Variants in PTK2 observed in about 807,000 individuals in gnomAD.
PTK2 encodes the protein focal adhesion kinase 1.
A neutral mutation model predicts 150.1 loss-of-function variants in PTK2; 45 were observed. The ratio of observed to expected loss-of-function variants is 0.30; its 90% CI spans 0.24 to 0.38. The LOEUF (loss-of-function observed/expected upper bound fraction) is 0.38, where lower values mean the gene tolerates loss of function less well. PTK2 is among the 10% of genes least tolerant of loss of function. PTK2 has a pLI of 1.00. For synonymous variants in PTK2, 432 were observed against 449.2 expected, an observed-to-expected ratio of 0.96 and a Z score of 0.48; for missense variants, 919 against 1,307.3, an observed-to-expected ratio of 0.70 and a Z score of 4.58.
intron 16 of PTK2, 111 bp downstream of exon 19, chr8:140,761,054 C>T: frequency 1.4e-6 from 1 of 716,976 alleles, no homozygotes; most frequent in Non-Finnish European, 2.3e-6. Context: ...TAAAAGACAC[C>T]CGTAAATATT....
chr8:140,668,276 A>T, exon 30 of PTK2: 1 of 1,614,130 alleles, frequency 6.2e-7, no homozygotes. Flanking sequence ...TACCTTCACC[A>T]TAGGGACATA....
chr8:141,001,591 T>C (rs1385843831), upstream of PTK2, among the ~76,000 whole-genome samples: 1 of 152,072 alleles, frequency 6.6e-6, no homozygotes, highest in Admixed American at 6.5e-5. Context: ...GGGTCCCACC[T>C]GCCTCGCTCT....
chr8:140,658,682 AG>A (rs34781198), exon 32 of PTK2: 4 of 214,188 alleles, frequency 1.9e-5, no homozygotes, highest in African/African-American at 9.0e-5. Context: ...AAATGGAAAA[AG>A]GGGATGGTTC....
chr8:140,955,756 T>G (rs1013952034), intron 1 of PTK2, among the ~76,000 whole-genome samples: 5 of 152,042 alleles, frequency 3.3e-5, no homozygotes, highest in Non-Finnish European at 7.4e-5. Context: ...CCAAAAACAC[T>G]AAGAACCAAT....
Position 140,864,299 on chromosome 8 carries a change from CAGT to C in PTK2, c.450+10_450+12del. On this transcript the variant is annotated intron_variant, in intron 5 of 31. Coordinates refer to ENST00000522684, the Ensembl canonical transcript of PTK2. ...AAACAAACAAAAAAGTATATGAAAGCAGTCTCTAATACCTGTTGATAGAAGAAA... is the reference window on the plus strand; with the variant it reads ...AAACAAACAAAAAAGTATATGAAAGCCTCTAATACCTGTTGATAGAAGAAA... The C allele has an allele frequency of 7.0e-7, 1 of 1,420,684 alleles. No individual in the cohort carries two copies. Among genetic ancestry groups the C allele is most frequent in the Non-Finnish European group, 9.5e-7 (1 of 1,056,656 alleles). The allele number at this position is 1,420,684 out of a possible 1,614,324, so 88.0% of individuals were successfully genotyped here. A position where few individuals can be genotyped will look rare whatever the true frequency, so the allele number is the denominator to read the frequency against.
intron 26 of PTK2, among the ~76,000 whole-genome samples, chr8:140,687,909 C>T (rs2100020920): frequency 6.6e-6 from 1 of 152,198 alleles, no homozygotes; most frequent in Non-Finnish European, 1.5e-5. Flanking sequence ...CTTTCCTTCC[C>T]TCCCAGGCAC....
chr8:140,892,426 CT>C (rs1342761003), intron 2 of PTK2, among the ~76,000 whole-genome samples: 17 of 152,080 alleles, frequency 1.1e-4, no homozygotes, highest in Middle Eastern at 3.4e-3. Context: ...GTCCCAGCTA[CT>C]TGGGAGGCTG....
At chr8:140,940,176 G>T (rs1387069002) in intron 1 of PTK2, among the ~76,000 whole-genome samples, 1 of 152,122 alleles carries the variant, frequency 6.6e-6, no homozygotes, top group Non-Finnish European at 1.5e-5. Flanking sequence ...GAAGAACTTG[G>T]GATTAACAGT....
chr8:140,785,372 T>A (rs1364238398), intron 14 of PTK2, among the ~76,000 whole-genome samples: 1 of 152,244 alleles, frequency 6.6e-6, no homozygotes, highest in Non-Finnish European at 1.5e-5. Flanking sequence ...TGTCTTTACA[T>A]GCAATGGGTT....
intron 27 of PTK2, among the ~76,000 whole-genome samples, chr8:140,681,270 T>C (rs1051613267): frequency 2.0e-5 from 3 of 150,764 alleles, no homozygotes; most frequent in African/African-American, 7.3e-5. Flanking sequence ...GGAGAATCTC[T>C]TGAGCCCGGT....
At chr8:140,752,143 A>G in intron 17 of PTK2, 89 bp downstream of exon 20, 1 of 1,141,816 alleles carries the variant, frequency 8.8e-7, no homozygotes, top group Non-Finnish European at 1.3e-6. Context: ...TAAAAGTCAA[A>G]ACACTATTTT....
chr8:140,716,558 G>T (rs1303123250), intron 23 of PTK2, among the ~76,000 whole-genome samples: 1 of 152,140 alleles, frequency 6.6e-6, no homozygotes. Flanking sequence ...CTGCATAATT[G>T]TGTTAATCAC....
chr8:140,839,738 C>T (rs1567323767), intron 7 of PTK2, among the ~76,000 whole-genome samples: 1 of 152,034 alleles, frequency 6.6e-6, no homozygotes, highest in Non-Finnish European at 1.5e-5. Context: ...ATGTAAGAGA[C>T]AGCAAAGATC....
intron 1 of PTK2, among the ~76,000 whole-genome samples, chr8:140,974,144 A>C (rs1164137165): frequency 6.6e-6 from 1 of 152,190 alleles, no homozygotes; most frequent in Non-Finnish European, 1.5e-5. Flanking sequence ...CAGACTCCAG[A>C]ACACAATACG....
At chr8:140,869,090 T>A (rs757085407) in intron 4 of PTK2, among the ~76,000 whole-genome samples, 2 of 152,150 alleles carry the variant, frequency 1.3e-5, no homozygotes, top group Non-Finnish European at 2.9e-5. Flanking sequence ...CTGACCCTTT[T>A]GTAGCTGTGG....
intron 1 of PTK2, among the ~76,000 whole-genome samples, chr8:140,966,210 C>T (rs1435984673): frequency 6.6e-6 from 1 of 152,124 alleles, no homozygotes; most frequent in East Asian, 1.9e-4. Flanking sequence ...ACAGTATGCA[C>T]CATTATCTAA....
At chr8:140,703,064 G>C (rs1256369167) in intron 24 of PTK2, among the ~76,000 whole-genome samples, 1 of 152,060 alleles carries the variant, frequency 6.6e-6, no homozygotes, top group East Asian at 1.9e-4. Flanking sequence ...GCTGGCTCTG[G>C]GCCAGGCACG....
chr8:140,708,628 T>C (rs1158541200), intron 23 of PTK2, among the ~76,000 whole-genome samples: 1 of 152,062 alleles, frequency 6.6e-6, no homozygotes, highest in Non-Finnish European at 1.5e-5. Flanking sequence ...CTTAACTAAA[T>C]AACAACATGA....
At chr8:140,772,290 G>A (rs150419132) in intron 14 of PTK2, among the ~76,000 whole-genome samples, 34 of 152,304 alleles carry the variant, frequency 2.2e-4, no homozygotes, top group Non-Finnish European at 4.4e-4. Context: ...TTAGCCAGGT[G>A]TGGAGTCACG....
Sources: allele counts gnomAD v4.1 joint callset (sites outside exome capture counted in the v4.1 genomes callset), GRCh38; gene constraint gnomAD v4.1.1; transcripts MANE v1.5; gene names NCBI Gene and HGNC (gene_info 2026-07-23, HGNC 2026-07-21).